SDK1: variants seen among roughly 807,000 people sequenced by gnomAD.
The protein encoded by SDK1 is sidekick cell adhesion molecule 1.
Under a neutral mutation model 245.5 loss-of-function variants are expected in SDK1, and 157 were observed. The observed-to-expected ratio is 0.64, with a 90% CI of 0.56 to 0.73. The LOEUF (loss-of-function observed/expected upper bound fraction) is 0.73. Among genes scored for constraint, SDK1 ranks in the 30% least tolerant of loss-of-function variants. SDK1 has a pLI of 0.00. For missense variants in SDK1, 3,583 were observed against 3,002.3 expected, an observed-to-expected ratio of 1.19 and a Z score of -4.52; for synonymous variants, 1,647 against 1,278.5, an observed-to-expected ratio of 1.29 and a Z score of -6.15.
intron 17 of SDK1, among the ~76,000 whole-genome samples, chr7:4,042,107 C>T (rs1237391961): frequency 7.3e-6 from 1 of 136,478 alleles, no homozygotes; most frequent in Non-Finnish European, 1.5e-5. Context: ...CCACCGTGCC[C>T]GGCCAACAGT....
intron 4 of SDK1, among the ~76,000 whole-genome samples, chr7:3,748,377 A>C (rs890957575): frequency 1.3e-5 from 2 of 152,226 alleles, no homozygotes; most frequent in African/African-American, 4.8e-5. Context: ...AAACAGATTT[A>C]GTTTATCTTG....
At chr7:3,578,772 C>G (rs578052991) in intron 1 of SDK1, among the ~76,000 whole-genome samples, 2 of 151,812 alleles carry the variant, frequency 1.3e-5, no homozygotes, top group East Asian at 1.9e-4. Context: ...GGCAGTCAGA[C>G]CTTATGGTTG....
chr7:3,789,696 TAGAA>T (rs762559479), intron 4 of SDK1, among the ~76,000 whole-genome samples: 1 of 152,112 alleles, frequency 6.6e-6, no homozygotes, highest in Non-Finnish European at 1.5e-5. Flanking sequence ...ATGAAGATGA[TAGAA>T]AGACAAGAAG....
intron 1 of SDK1, among the ~76,000 whole-genome samples, chr7:3,525,532 G>C (rs1340563706): frequency 6.6e-6 from 1 of 152,140 alleles, no homozygotes; most frequent in Non-Finnish European, 1.5e-5. Context: ...CACCAACCTG[G>C]AAAGTGTTTT....
At chr7:3,949,693 A>C (rs975424573) in intron 5 of SDK1, among the ~76,000 whole-genome samples, 2 of 152,174 alleles carry the variant, frequency 1.3e-5, no homozygotes, top group African/African-American at 4.8e-5. Flanking sequence ...TACTGTGGGT[A>C]GTTTAATTTT....
At chr7:3,632,175 A>G (rs901105726) in intron 2 of SDK1, among the ~76,000 whole-genome samples, 3 of 152,194 alleles carry the variant, frequency 2.0e-5, no homozygotes, top group Admixed American at 1.3e-4. Flanking sequence ...TGAGAGAGCA[A>G]TTAATGCTCA....
Position 3,580,101 on chromosome 7 carries a change from C to G in SDK1, c.299-38979C>G, listed in dbSNP as rs188859771. Among the ~76,000 whole-genome samples, 368 of 152,206 alleles carry G rather than the reference C, an allele frequency of 2.4e-3. 3 individuals are homozygous for G. Among genetic ancestry groups the G allele is most frequent in the South Asian group, 0.018 (86 of 4,820 alleles). The stretch of plus-strand genomic sequence containing the variant: ...AGCTAACCAGGGAGCCAAGAGATCT[C>G]TACAAGGAGAATTACAAAACACTGT... On this transcript the variant is annotated intron_variant, in intron 1 of 44. Transcript: ENST00000404826.
chr7:4,143,606 C>A (rs1191562787), intron 28 of SDK1, among the ~76,000 whole-genome samples: 1 of 152,214 alleles, frequency 6.6e-6, no homozygotes, highest in East Asian at 1.9e-4. Flanking sequence ...AAAGGTGTGT[C>A]CTTCCTTTGA....
intron 30 of SDK1, among the ~76,000 whole-genome samples, chr7:4,157,135 G>T (rs1780782387): frequency 6.6e-6 from 1 of 152,038 alleles, no homozygotes; most frequent in Non-Finnish European, 1.5e-5. Flanking sequence ...GACCGGCTGG[G>T]GCTTCACCAA....
At chr7:3,801,975 G>A (rs1435598701) in intron 4 of SDK1, among the ~76,000 whole-genome samples, 1 of 152,142 alleles carries the variant, frequency 6.6e-6, no homozygotes, top group African/African-American at 2.4e-5. Context: ...GATTGAGTAG[G>A]GGTATTCCTT....
intron 1 of SDK1, among the ~76,000 whole-genome samples, chr7:3,489,325 C>G (rs1781798570): frequency 1.3e-5 from 2 of 152,188 alleles, no homozygotes; most frequent in South Asian, 4.2e-4. Flanking sequence ...ACTTAAGCAT[C>G]TTTTTTGACT....
chr7:4,019,161 G>A (rs1786665771), intron 17 of SDK1, among the ~76,000 whole-genome samples: 1 of 152,192 alleles, frequency 6.6e-6, no homozygotes, highest in Non-Finnish European at 1.5e-5. Context: ...CAGGAACAGA[G>A]CCCAGACCCT....
At chr7:3,892,535 T>A (rs1781485760) in intron 5 of SDK1, among the ~76,000 whole-genome samples, 1 of 152,176 alleles carries the variant, frequency 6.6e-6, no homozygotes, top group African/African-American at 2.4e-5. Flanking sequence ...ACCCTTCACC[T>A]CCTGGCAAGT....
chr7:4,058,698 C>A (rs1779351733), intron 19 of SDK1, among the ~76,000 whole-genome samples: 1 of 152,120 alleles, frequency 6.6e-6, no homozygotes, highest in African/African-American at 2.4e-5. Flanking sequence ...ATGATATATT[C>A]AAAGTACTGG....
chr7:3,357,424 A>T (rs1373698918), intron 1 of SDK1, among the ~76,000 whole-genome samples: 1 of 130,470 alleles, frequency 7.7e-6, no homozygotes, highest in Non-Finnish European at 1.5e-5. Flanking sequence ...ATCACGGCTC[A>T]CTGCAGCCTC....
At chr7:3,953,678 A>G (rs117226677) in intron 7 of SDK1, among the ~76,000 whole-genome samples, 12 of 152,368 alleles carry the variant, frequency 7.9e-5, no homozygotes, top group Non-Finnish European at 1.8e-4. Context: ...TGTTTCGATC[A>G]TCATTCCTTT....
intron 44 of SDK1, among the ~76,000 whole-genome samples, chr7:4,258,158 G>A (rs547576920): frequency 4.2e-4 from 64 of 152,312 alleles, no homozygotes; most frequent in African/African-American, 1.3e-3. Flanking sequence ...TATACAAGCC[G>A]TGAAGGAAAT....
chr7:3,500,735 C>G (rs983534559), intron 1 of SDK1, among the ~76,000 whole-genome samples: 1 of 151,992 alleles, frequency 6.6e-6, no homozygotes, highest in African/African-American at 2.4e-5. Flanking sequence ...TGACTTCATC[C>G]TTTAATTTTT....
chr7:3,563,270 GT>G (rs1447535467), intron 1 of SDK1, among the ~76,000 whole-genome samples: 2 of 152,142 alleles, frequency 1.3e-5, no homozygotes, highest in African/African-American at 4.8e-5. Flanking sequence ...AAAAGTTCAA[GT>G]TTTAGAGTAA....
Sources: gnomAD v4.1 joint callset for allele counts (sites outside exome capture counted in the v4.1 genomes callset) on GRCh38, gnomAD v4.1.1 for gene constraint, MANE v1.5 for transcripts, NCBI Gene and HGNC (gene_info 2026-07-23, HGNC 2026-07-21) for gene names.